The following CDC37L1 variants were observed in gnomAD, a reference collection of about 807,000 sequenced individuals.
CDC37L1 encodes the protein cell division cycle 37 like 1, HSP90 cochaperone.
In CDC37L1, 32 loss-of-function variants were observed where a neutral mutation model predicts 45.9. The observed-to-expected ratio is 0.70, with a 90% CI of 0.53 to 0.94. The LOEUF is 0.94. Among genes scored for constraint, CDC37L1 ranks in the 40% least tolerant of loss-of-function variants. CDC37L1 has a pLI of 0.00. For missense variants in CDC37L1, 434 were observed against 405.7 expected (o/e 1.07, Z -0.60); for synonymous variants, 150 against 133.0 (o/e 1.13, Z -0.88).
chr9:4,693,121 T>C (rs560849049), intron 3 of CDC37L1, among the ~76,000 whole-genome samples: 2 of 152,196 alleles, frequency 1.3e-5, no homozygotes, highest in South Asian at 4.2e-4. Context: ...ACAGAGAAAT[T>C]AAAATGAATT....
chr9:4,693,931 G>C (rs953474549), intron 3 of CDC37L1, among the ~76,000 whole-genome samples: 2 of 152,216 alleles, frequency 1.3e-5, no homozygotes, highest in Admixed American at 6.5e-5. Context: ...GGTGAAGCCA[G>C]TATTTGAACC....
chr9:4,679,643 C>A lies in CDC37L1; in HGVS notation c.-125C>A, dbSNP rs909516672. The A allele has an allele frequency of 1.2e-6, 1 of 866,090 alleles. No individual in the cohort carries two copies. The highest frequency in any genetic ancestry group is 1.7e-6 in the Non-Finnish European group (1 of 585,028). 53.7% of individuals were successfully genotyped at this position (866,090 alleles called of 1,614,324 possible). A position where few individuals can be genotyped will look rare whatever the true frequency, so the allele number is the denominator to read the frequency against. On this transcript the variant is annotated 5_prime_UTR_variant, in exon 1 of 7. It adds an upstream start codon to the 5' untranslated region. Transcript: ENST00000381854. ...CGGCGTCGCGGCCAGTAGAGGGATTCTGGGTAACGGCCCGGACCCCCGGCT... is the reference window on the plus strand; with the variant it reads ...CGGCGTCGCGGCCAGTAGAGGGATTATGGGTAACGGCCCGGACCCCCGGCT...
intron 3 of CDC37L1, among the ~76,000 whole-genome samples, chr9:4,691,459 A>T (rs929601962): frequency 1.3e-5 from 2 of 152,246 alleles, no homozygotes; most frequent in African/African-American, 4.8e-5. Flanking sequence ...TTTGCTTAGG[A>T]TAATGGCTTC....
intron 3 of CDC37L1, 23 bp from the exon 4 acceptor site, chr9:4,697,073 T>G: frequency 1.0e-6 from 1 of 993,140 alleles, no homozygotes; most frequent in Non-Finnish European, 1.6e-6. Flanking sequence ...TTGACACTTA[T>G]GGTTCAATTC....
chr9:4,694,798 A>T (rs961681410), intron 3 of CDC37L1, among the ~76,000 whole-genome samples: 1 of 152,140 alleles, frequency 6.6e-6, no homozygotes, highest in Non-Finnish European at 1.5e-5. Context: ...TGAACCCAGG[A>T]GGTGGAGGTT....
chr9:4,695,776 C>G (rs532966069), intron 3 of CDC37L1, among the ~76,000 whole-genome samples: 92 of 152,224 alleles, frequency 6.0e-4, no homozygotes, highest in African/African-American at 2.2e-3. Flanking sequence ...AGATTACAAG[C>G]ATGTGCCACC....
At chr9:4,702,510 T>A (rs1451672370) in intron 6 of CDC37L1, among the ~76,000 whole-genome samples, 3 of 152,172 alleles carry the variant, frequency 2.0e-5, no homozygotes, top group African/African-American at 7.2e-5. Flanking sequence ...AACACATTAA[T>A]GTAGCTGATA....
At position 4,685,940 on chromosome 9, in the gene CDC37L1, A is replaced by G. The variant is rs1841242712; in HGVS notation, c.414+782A>G. Among the ~76,000 whole-genome samples the G allele has an allele frequency of 5.3e-5, 8 of 152,352 alleles. No individual in the cohort carries two copies. The South Asian group carries it at 1.4e-3, about 28-fold the overall frequency. On this transcript the variant is annotated intron_variant, in intron 2 of 6. Transcript: ENST00000381854. ...CGCTTTGGGAGGCCAAGGCAGGCAG[A>G]TCACTTAAGTCCAGGAGTTCAAAAC...
At chr9:4,687,505 CA>C (rs747788670) in intron 2 of CDC37L1, among the ~76,000 whole-genome samples, 1 of 151,688 alleles carries the variant, frequency 6.6e-6, no homozygotes, top group Non-Finnish European at 1.5e-5. Flanking sequence ...ATAGCAAGAC[CA>C]CGTCTCTACA....
rs1474991710 is a variant in CDC37L1, at chr9:4,679,569, C to T, written c.-199C>T. ...AAGTGACGCACCGCGCCGACTATTTCTTCCGCCGTCCGCCGGTGGCGAGGC... is the reference window on the plus strand; with the variant it reads ...AAGTGACGCACCGCGCCGACTATTTTTTCCGCCGTCCGCCGGTGGCGAGGC... On this transcript the variant is annotated 5_prime_UTR_variant, in exon 1 of 7. Coordinates refer to ENST00000381854, the MANE Select transcript of CDC37L1 (RefSeq NM_017913.4). 1.9e-6 allele frequency: 1 copy of T among 516,552 alleles called. No individual in the cohort carries two copies. Among genetic ancestry groups the T allele is most frequent in the Non-Finnish European group, 3.5e-6 (1 of 287,570 alleles). 32.0% of individuals were successfully genotyped at this position (516,552 alleles called of 1,614,324 possible). A position where few individuals can be genotyped will look rare whatever the true frequency, so the allele number is the denominator to read the frequency against.
At chr9:4,693,145 A>G (rs992753784) in intron 3 of CDC37L1, among the ~76,000 whole-genome samples, 1 of 152,110 alleles carries the variant, frequency 6.6e-6, no homozygotes, top group East Asian at 1.9e-4. Flanking sequence ...GTAGTTTGTT[A>G]AAATATATCA....
At position 4,699,372 on chromosome 9, in the gene CDC37L1, C is replaced by T. The variant is rs543202400; in HGVS notation, c.747+1493C>T. Among the ~76,000 whole-genome samples the T allele has an allele frequency of 3.9e-5, 6 of 152,248 alleles. No homozygotes were observed. In the East Asian group the frequency reaches 9.6e-4, roughly 24 times the overall value. ...AAGTATAATGCAAATATTCCCAGAT[C>T]TGAAAAAACTGACAATCTGAAAAAC... On this transcript the variant is annotated intron_variant, in intron 5 of 6. Coordinates refer to ENST00000381854, the MANE Select transcript of CDC37L1 (RefSeq NM_017913.4).
intron 2 of CDC37L1, among the ~76,000 whole-genome samples, chr9:4,686,756 G>A (rs749355300): frequency 1.3e-5 from 2 of 152,144 alleles, no homozygotes; most frequent in Non-Finnish European, 2.9e-5. Context: ...GACTTGAGAG[G>A]ACTGGTCTAG....
chr9:4,682,901 A>G (rs1841209705), intron 1 of CDC37L1, among the ~76,000 whole-genome samples: 1 of 150,642 alleles, frequency 6.6e-6, no homozygotes, highest in African/African-American at 2.4e-5. Flanking sequence ...ATCCTATTCT[A>G]AGATAACTAT....
rs78081564 is a variant in CDC37L1, at chr9:4,705,805, T to C, written c.913-206T>C. ...TTACATGTATCATTCTTTTATCACA[T>C]CTCATAGGTGATAGCATCCTATTTT... On this transcript the variant is annotated intron_variant, in intron 6 of 6. Transcript: ENST00000381854. Among the ~76,000 whole-genome samples the C allele has an allele frequency of 3.9e-3, 594 of 152,298 alleles. 3 individuals are homozygous for C. Among genetic ancestry groups the C allele is most frequent in the Non-Finnish European group, 6.9e-3 (466 of 67,998 alleles).
chr9:4,704,634 G>A (rs1841426996), intron 6 of CDC37L1, among the ~76,000 whole-genome samples: 1 of 152,072 alleles, frequency 6.6e-6, no homozygotes, highest in Non-Finnish European at 1.5e-5. Context: ...GTTAGAAAAA[G>A]GTCTTAAAGC....
intron 2 of CDC37L1, among the ~76,000 whole-genome samples, chr9:4,686,014 T>C (rs1449101690): frequency 6.6e-6 from 1 of 152,084 alleles, no homozygotes. Flanking sequence ...AATACGAAAA[T>C]TAGCTGAGTA....
chr9:4,697,110 TG>T lies in CDC37L1; in HGVS notation c.526del (p.Asp176MetfsTer37). ...KIRHFGMLSRWDDSQRFLSDH... is the reference protein window; with the variant it reads ...KIRHFGMLSRXDDSQRFLSDH... ...TTTTTTTACAGGTATGTTGAGTCGATGGGATGATAGCCAGAGATTTTTGTCT... is the reference window on the plus strand; with the variant it reads ...TTTTTTTACAGGTATGTTGAGTCGATGGATGATAGCCAGAGATTTTTGTCT... On this transcript the variant is annotated frameshift_variant, in exon 4 of 7. Coordinates refer to ENST00000381854, the MANE Select transcript of CDC37L1 (RefSeq NM_017913.4). LOFTEE classifies it high-confidence loss of function. 6.6e-7 allele frequency: 1 copy of T among 1,514,270 alleles called. No homozygotes were observed. Among genetic ancestry groups the T allele is most frequent in the Non-Finnish European group, 9.2e-7 (1 of 1,091,566 alleles). 93.8% of individuals were successfully genotyped at this position (1,514,270 alleles called of 1,614,324 possible).
At chr9:4,703,454 C>G (rs1359296891) in intron 6 of CDC37L1, among the ~76,000 whole-genome samples, 1 of 151,136 alleles carries the variant, frequency 6.6e-6, no homozygotes, top group Non-Finnish European at 1.5e-5. Flanking sequence ...AAAGAATATT[C>G]CCTCTACAAA....
Sources: allele counts gnomAD v4.1 joint callset (sites outside exome capture counted in the v4.1 genomes callset), GRCh38; gene constraint gnomAD v4.1.1; transcripts MANE v1.5; gene names NCBI Gene and HGNC (gene_info 2026-07-23, HGNC 2026-07-21).